IGF1R: variants seen among roughly 807,000 people sequenced by gnomAD.
The protein encoded by IGF1R is insulin-like growth factor 1 receptor.
IGF1R carries 44 observed loss-of-function variants against 144.6 expected under a neutral mutation model. That is an observed-to-expected ratio of 0.30 (90% confidence interval 0.24 to 0.39). IGF1R has a LOEUF of 0.39. Ranked by LOEUF, IGF1R falls within the 10% of genes least tolerant of loss-of-function variation. The pLI is 1.00. For synonymous variants in IGF1R, 795 were observed against 722.8 expected (o/e 1.10, Z -1.60); for missense variants, 1,355 against 1,833.7 (o/e 0.74, Z 4.77).
At chr15:98,683,839 T>A (rs981031465) in intron 1 of IGF1R, among the ~76,000 whole-genome samples, 15 of 152,312 alleles carry the variant, frequency 9.8e-5, no homozygotes, top group African/African-American at 3.6e-4. Context: ...TCACCATTCT[T>A]CTTAATTTTT....
intron 1 of IGF1R, among the ~76,000 whole-genome samples, chr15:98,700,869 T>C (rs1432179194): frequency 1.3e-5 from 2 of 152,100 alleles, no homozygotes; most frequent in Non-Finnish European, 2.9e-5. Context: ...TAGGGAGTTG[T>C]GGGGCCTTGT....
At chr15:98,947,805 C>T (rs958766106) in intron 19 of IGF1R, among the ~76,000 whole-genome samples, 14 of 152,214 alleles carry the variant, frequency 9.2e-5, no homozygotes, top group African/African-American at 3.1e-4. Context: ...CAGTGCAGCC[C>T]ACCCTGGTCC....
At chr15:98,736,092 ACAAT>A (rs948259744) in intron 2 of IGF1R, among the ~76,000 whole-genome samples, 16 of 152,348 alleles carry the variant, frequency 1.1e-4, no homozygotes, top group African/African-American at 3.8e-4. Context: ...AAAAAGAAAA[ACAAT>A]CCAACCAAGA....
At chr15:98,659,460 A>G (rs1265145516) in intron 1 of IGF1R, among the ~76,000 whole-genome samples, 1 of 152,192 alleles carries the variant, frequency 6.6e-6, no homozygotes, top group African/African-American at 2.4e-5. Flanking sequence ...TAGTGCCCCA[A>G]GGAGGAAGAT....
At chr15:98,748,308 A>G (rs1353528254) in intron 2 of IGF1R, among the ~76,000 whole-genome samples, 1 of 152,174 alleles carries the variant, frequency 6.6e-6, no homozygotes, top group Non-Finnish European at 1.5e-5. Context: ...CTGGAACTAC[A>G]GGCATAAGCC....
In IGF1R at chr15:98,681,478, T is replaced by C. The variant is rs533615264; in HGVS notation, c.95-26084T>C. 3.9e-5 allele frequency among the ~76,000 whole-genome samples: 6 copies of C among 151,912 alleles called. No homozygotes were observed. The East Asian group carries it at 1.2e-3, about 29-fold the overall frequency. On this transcript the variant is annotated intron_variant, in intron 1 of 20. Transcript: ENST00000650285. ...ACCTATTTGGGTTCATTCCAAGGAGTAGTTCAAGGATAAACCTCTAAGTTT... is the reference window on the plus strand; with the variant it reads ...ACCTATTTGGGTTCATTCCAAGGAGCAGTTCAAGGATAAACCTCTAAGTTT...
chr15:98,932,824 ATG>A (rs1428558380), intron 15 of IGF1R, among the ~76,000 whole-genome samples: 1 of 152,232 alleles, frequency 6.6e-6, no homozygotes, highest in East Asian at 1.9e-4. Context: ...AAATACAAAA[ATG>A]TGTAGGAAAG....
At chr15:98,794,885 T>G (rs1424113782) in intron 2 of IGF1R, among the ~76,000 whole-genome samples, 2 of 152,122 alleles carry the variant, frequency 1.3e-5, no homozygotes, top group Non-Finnish European at 2.9e-5. Flanking sequence ...TGGACTTGAG[T>G]CTTCAACCTT....
intron 2 of IGF1R, among the ~76,000 whole-genome samples, chr15:98,868,327 C>CAAAAAAAAA (rs55905905): frequency 0.019 from 933 of 49,204 alleles, 24 homozygotes; most frequent in South Asian, 0.043. Flanking sequence ...ACCTTGTCTC[C>CAAAAAAAAA]AAAAAAAAAA....
At chr15:98,858,892 C>T (rs972546924) in intron 2 of IGF1R, among the ~76,000 whole-genome samples, 3 of 152,180 alleles carry the variant, frequency 2.0e-5, no homozygotes, top group Non-Finnish European at 1.5e-5. Context: ...GAACATGCCA[C>T]ATAGTGGCTC....
At chr15:98,786,277 T>TA (rs1437012065) in intron 2 of IGF1R, among the ~76,000 whole-genome samples, 1 of 152,212 alleles carries the variant, frequency 6.6e-6, no homozygotes, top group Non-Finnish European at 1.5e-5. Context: ...TGAGGGTACA[T>TA]ACAGTGTGGT....
intron 2 of IGF1R, among the ~76,000 whole-genome samples, chr15:98,831,478 T>C (rs1293364850): frequency 6.6e-6 from 1 of 152,204 alleles, no homozygotes; most frequent in East Asian, 1.9e-4. Flanking sequence ...CACATTCCGA[T>C]CTTGATGACT....
At chr15:98,685,353 T>C (rs1456168466) in intron 1 of IGF1R, among the ~76,000 whole-genome samples, 1 of 152,196 alleles carries the variant, frequency 6.6e-6, no homozygotes, top group East Asian at 1.9e-4. Context: ...TTGAGTTCTT[T>C]AGATGCCTGG....
intron 2 of IGF1R, among the ~76,000 whole-genome samples, chr15:98,801,944 C>G (rs955381423): frequency 6.6e-6 from 1 of 152,178 alleles, no homozygotes; most frequent in African/African-American, 2.4e-5. Context: ...GGTAATGACC[C>G]TGATGCCCCA....
intron 2 of IGF1R, among the ~76,000 whole-genome samples, chr15:98,874,551 A>T (rs1232592881): frequency 6.6e-6 from 1 of 152,190 alleles, no homozygotes. Flanking sequence ...ATGTGACAAG[A>T]GCCGTGGGCT....
intron 6 of IGF1R, among the ~76,000 whole-genome samples, chr15:98,910,839 C>T (rs1308279011): frequency 6.6e-6 from 1 of 152,218 alleles, no homozygotes; most frequent in East Asian, 1.9e-4. Context: ...CTGTGGCACA[C>T]CTGTAGTCTC....
chr15:98,875,790 C>G (rs2013031231), intron 2 of IGF1R, among the ~76,000 whole-genome samples: 1 of 152,172 alleles, frequency 6.6e-6, no homozygotes, highest in Non-Finnish European at 1.5e-5. Context: ...AGAGGAGAAG[C>G]CCACTGGATC....
At position 98,964,294 on chromosome 15, in the gene IGF1R, A is replaced by C. The variant is rs2017341917; in HGVS notation, c.*6852A>C. On this transcript the variant is annotated 3_prime_UTR_variant, in exon 21 of 21. Coordinates refer to ENST00000650285, the MANE Select transcript of IGF1R (RefSeq NM_000875.5). ...ACTTTCTGTGTATAAATTATTCCTA[A>C]AAAATCCTGTTTATATAAAAAATCA... 1 of 232,338 alleles carries C rather than the reference A, an allele frequency of 4.3e-6. No individual in the cohort carries two copies. Among genetic ancestry groups the C allele is most frequent in the Non-Finnish European group, 8.5e-6 (1 of 117,388 alleles). 14.4% of individuals were successfully genotyped at this position (232,338 alleles called of 1,614,324 possible). A position where few individuals can be genotyped will look rare whatever the true frequency, so the allele number is the denominator to read the frequency against.
chr15:98,945,210 T>G (rs1313411414), intron 19 of IGF1R, among the ~76,000 whole-genome samples: 1 of 152,260 alleles, frequency 6.6e-6, no homozygotes, highest in Non-Finnish European at 1.5e-5. Context: ...CACATAATCT[T>G]TATTTTTTAT....
Sources: allele counts gnomAD v4.1 joint callset (sites outside exome capture counted in the v4.1 genomes callset), GRCh38; gene constraint gnomAD v4.1.1; transcripts MANE v1.5; gene names NCBI Gene and HGNC (gene_info 2026-07-23, HGNC 2026-07-21).